TCERG1L: variants seen among roughly 807,000 people sequenced by gnomAD.
The protein encoded by TCERG1L is transcription elongation regulator 1 like.
Under a neutral mutation model 56.3 loss-of-function variants are expected in TCERG1L, and 37 were observed. The observed-to-expected ratio is 0.66, with a 90% CI of 0.51 to 0.87. TCERG1L has a LOEUF of 0.87. Among genes scored for constraint, TCERG1L ranks in the 40% least tolerant of loss-of-function variants. The pLI, the probability that TCERG1L is intolerant of heterozygous loss-of-function variation, is 0.00. For synonymous variants in TCERG1L, 324 were observed against 326.3 expected (o/e 0.99, Z 0.08); for missense variants, 799 against 774.2 (o/e 1.03, Z -0.38).
intron 9 of TCERG1L, among the ~76,000 whole-genome samples, chr10:131,115,515 G>A (rs114708747): frequency 0.012 from 1,864 of 152,366 alleles, 38 homozygotes; most frequent in African/African-American, 0.043. Flanking sequence ...GGATCCACAC[G>A]CGCGCGTCCA....
intron 4 of TCERG1L, among the ~76,000 whole-genome samples, chr10:131,235,151 T>A (rs985268988): frequency 7.2e-5 from 11 of 152,198 alleles, no homozygotes; most frequent in Admixed American, 7.2e-4. Context: ...CCAAGGTCGA[T>A]TAAAATTCTA....
At chr10:131,101,048 A>T (rs1845299734) in intron 10 of TCERG1L, among the ~76,000 whole-genome samples, 1 of 152,172 alleles carries the variant, frequency 6.6e-6, no homozygotes, top group South Asian at 2.1e-4. Context: ...TGTCACAGGG[A>T]CGTTTAAAGG....
intron 4 of TCERG1L, among the ~76,000 whole-genome samples, chr10:131,224,966 C>T (rs760220710): frequency 1.3e-5 from 2 of 152,290 alleles, no homozygotes; most frequent in Non-Finnish European, 2.9e-5. Context: ...TCATGACCAT[C>T]GGCCCGCAGT....
intron 3 of TCERG1L, among the ~76,000 whole-genome samples, chr10:131,291,071 G>A (rs553324317): frequency 6.6e-6 from 1 of 152,222 alleles, no homozygotes; most frequent in Non-Finnish European, 1.5e-5. Context: ...CATTCCACTT[G>A]GTGGTTTAAA....
At chr10:131,168,773 G>A (rs955273077) in intron 4 of TCERG1L, among the ~76,000 whole-genome samples, 11 of 152,248 alleles carry the variant, frequency 7.2e-5, no homozygotes, top group African/African-American at 4.8e-5. Context: ...TGAGGGCGCC[G>A]GCCTCCTCCG....
At chr10:131,276,270 G>A (rs190443837) in intron 3 of TCERG1L, among the ~76,000 whole-genome samples, 119 of 152,268 alleles carry the variant, frequency 7.8e-4, no homozygotes, top group Non-Finnish European at 1.2e-3. Context: ...TTAACCCTTT[G>A]CCCTAGAATA....
At chr10:131,127,762 C>T (rs12257636) in intron 8 of TCERG1L, among the ~76,000 whole-genome samples, 57,641 of 151,910 alleles carry the variant, frequency 0.38, 11,104 homozygotes, top group East Asian at 0.52. Context: ...CGTGTCACAA[C>T]AGCAGACTCT....
At chr10:131,307,947 G>A (rs1481343585) in intron 3 of TCERG1L, among the ~76,000 whole-genome samples, 1 of 151,938 alleles carries the variant, frequency 6.6e-6, no homozygotes, top group African/African-American at 2.4e-5. Context: ...CCTAAAAACA[G>A]AGCACTGCAA....
At chr10:131,187,608 A>C (rs770442660) in intron 4 of TCERG1L, among the ~76,000 whole-genome samples, 8 of 152,168 alleles carry the variant, frequency 5.3e-5, no homozygotes, top group Non-Finnish European at 1.0e-4. Flanking sequence ...GGCATGGTGG[A>C]AAACCAAAGG....
chr10:131,279,459 C>T (rs539242519), intron 3 of TCERG1L, among the ~76,000 whole-genome samples: 7 of 152,286 alleles, frequency 4.6e-5, no homozygotes, highest in South Asian at 2.1e-4. Context: ...ACATCATGCC[C>T]GGAGTCTCTA....
chr10:131,147,024 GCC>G (rs1180247975), intron 6 of TCERG1L, among the ~76,000 whole-genome samples: 5 of 152,082 alleles, frequency 3.3e-5, no homozygotes, highest in African/African-American at 1.2e-4. Flanking sequence ...GCGCCTCCTG[GCC>G]CTGGTTCCGG....
chr10:131,212,284 G>T (rs4750858), intron 4 of TCERG1L, among the ~76,000 whole-genome samples: 20 of 152,218 alleles, frequency 1.3e-4, no homozygotes, highest in Non-Finnish European at 2.5e-4. Flanking sequence ...GCAAGGCTGT[G>T]ACACAAAGGT....
intron 1 of TCERG1L, among the ~76,000 whole-genome samples, chr10:131,310,117 C>A (rs530919423): frequency 2.4e-4 from 36 of 152,126 alleles, no homozygotes; most frequent in African/African-American, 8.4e-4. Context: ...CTGGGTAGCA[C>A]AAAAATATTT....
intron 4 of TCERG1L, among the ~76,000 whole-genome samples, chr10:131,199,728 A>C (rs1845408996): frequency 6.6e-6 from 1 of 152,172 alleles, no homozygotes; most frequent in Non-Finnish European, 1.5e-5. Context: ...AGGGCCACAT[A>C]CCAGGCACCA....
intron 3 of TCERG1L, among the ~76,000 whole-genome samples, chr10:131,291,174 T>C (rs953994442): frequency 6.6e-6 from 1 of 152,148 alleles, no homozygotes; most frequent in African/African-American, 2.4e-5. Context: ...ATTTTTATTA[T>C]AATATTAGAA....
chr10:131,136,720 T>C (rs1845679079), intron 7 of TCERG1L, among the ~76,000 whole-genome samples: 1 of 151,604 alleles, frequency 6.6e-6, no homozygotes, highest in Non-Finnish European at 1.5e-5. Flanking sequence ...GGTCTTGAAC[T>C]CCTGACCCCA....
intron 6 of TCERG1L, 39 bp downstream of exon 6, chr10:131,163,083 C>G (rs368565982): frequency 1.4e-6 from 2 of 1,458,542 alleles, no homozygotes. Flanking sequence ...GACCAGACAA[C>G]GCCATTGCTA....
chr10:131,265,960 G>A (rs1846280795), intron 3 of TCERG1L, among the ~76,000 whole-genome samples: 1 of 152,248 alleles, frequency 6.6e-6, no homozygotes, highest in Admixed American at 6.5e-5. Context: ...ATGCAATGCT[G>A]TTTGACAGCA....
At chr10:131,222,572 C>T (rs935308648) in intron 4 of TCERG1L, among the ~76,000 whole-genome samples, 1 of 152,224 alleles carries the variant, frequency 6.6e-6, no homozygotes, top group Non-Finnish European at 1.5e-5. Flanking sequence ...TAGATTTTCA[C>T]ATGGTTTCTT....
Sources: allele counts gnomAD v4.1 joint callset (sites outside exome capture counted in the v4.1 genomes callset), GRCh38; gene constraint gnomAD v4.1.1; transcripts MANE v1.5; gene names NCBI Gene and HGNC (gene_info 2026-07-23, HGNC 2026-07-21).